Variants in KAZN observed in about 807,000 individuals in gnomAD.
KAZN encodes the protein kazrin, periplakin interacting protein, also known as kazrin.
A neutral mutation model predicts 87.4 loss-of-function variants in KAZN; 40 were observed. The ratio of observed to expected loss-of-function variants is 0.46; its 90% CI spans 0.36 to 0.60. KAZN has a LOEUF of 0.60. KAZN is among the 20% of genes least tolerant of loss of function. The probability of loss-of-function intolerance (pLI) is 0.00; values close to 1 mark genes in which losing one functional copy is unlikely to be tolerated. For missense variants in KAZN, 898 were observed against 1,073.9 expected (o/e 0.84, Z 2.29); for synonymous variants, 466 against 458.3 (o/e 1.02, Z -0.22).
intron 1 of KAZN, among the ~76,000 whole-genome samples, chr1:14,902,268 C>T (rs1656012104): frequency 1.3e-5 from 2 of 151,750 alleles, no homozygotes; most frequent in African/African-American, 4.8e-5. Flanking sequence ...CTCTGTCACC[C>T]AGGCTGGAGT....
intron 2 of KAZN, among the ~76,000 whole-genome samples, chr1:14,591,450 C>CACACACACACACACA: frequency 2.0e-5 from 3 of 148,088 alleles, no homozygotes; most frequent in African/African-American, 7.4e-5. Flanking sequence ...CACACACACA[C>CACACACACACACACA]CAAGAAAGAT....
intron 1 of KAZN, among the ~76,000 whole-genome samples, chr1:14,824,647 A>G (rs1287923939): frequency 8.5e-5 from 13 of 152,364 alleles, no homozygotes. Flanking sequence ...CATGGGCGCC[A>G]TTCCAGAAAT....
chr1:14,895,441 G>A (rs1009400188), intron 1 of KAZN, among the ~76,000 whole-genome samples: 1 of 152,124 alleles, frequency 6.6e-6, no homozygotes, highest in African/African-American at 2.4e-5. Flanking sequence ...CATTAACAGC[G>A]GCCCAATCCC....
intron 1 of KAZN, among the ~76,000 whole-genome samples, chr1:14,125,931 C>G (rs4661473): frequency 0.58 from 82,120 of 141,390 alleles, 24,603 homozygotes; most frequent in East Asian, 0.77. Flanking sequence ...CTGCAGCCTC[C>G]GTCAGTAAGG....
intron 1 of KAZN, among the ~76,000 whole-genome samples, chr1:14,657,222 T>A (rs1557868827): frequency 6.6e-6 from 1 of 152,026 alleles, no homozygotes; most frequent in Admixed American, 6.6e-5. Flanking sequence ...TAGCTGGGAT[T>A]ACAGACATGT....
At chr1:14,336,419 G>A (rs1324096462) in intron 2 of KAZN, among the ~76,000 whole-genome samples, 2 of 152,188 alleles carry the variant, frequency 1.3e-5, no homozygotes, top group Admixed American at 1.3e-4. Flanking sequence ...GAAGGATGAT[G>A]TATGAGCATC....
In KAZN at chr1:14,730,073, C is replaced by G. The variant is rs192476064; in HGVS notation, c.226+130850C>G. On this transcript the variant is annotated intron_variant, in intron 1 of 14. Transcript: ENST00000376030. ...CCTTTACAGAAAGAGTTTGCTGGTC[C>G]CTCTCATAAAGTATCCTTTTTTTTA... Among the ~76,000 whole-genome samples the G allele has an allele frequency of 4.4e-3, 663 of 152,088 alleles. 11 individuals carry two copies. Among genetic ancestry groups the G allele is most frequent in the Non-Finnish European group, 3.9e-3 (268 of 67,980 alleles).
chr1:15,011,217 T>C (rs1669542702), intron 2 of KAZN, among the ~76,000 whole-genome samples: 1 of 152,212 alleles, frequency 6.6e-6, no homozygotes, highest in South Asian at 2.1e-4. Context: ...ACCCTGCTTA[T>C]GTAGCCAGTT....
chr1:14,194,378 G>A (rs11582149), intron 2 of KAZN, among the ~76,000 whole-genome samples: 19,204 of 152,132 alleles, frequency 0.13, 1,451 homozygotes, highest in African/African-American at 0.2. Context: ...TTCTGCCTTT[G>A]GAGGGATTGT....
At chr1:15,080,939 G>A (rs1639977661) in intron 8 of KAZN, among the ~76,000 whole-genome samples, 2 of 152,244 alleles carry the variant, frequency 1.3e-5, no homozygotes, top group Admixed American at 6.5e-5. Flanking sequence ...ACGATGCACG[G>A]GACAGCCCCA....
At chr1:14,687,769 ATATCT>A (rs1178579796) in intron 1 of KAZN, among the ~76,000 whole-genome samples, 10 of 152,220 alleles carry the variant, frequency 6.6e-5, no homozygotes, top group Non-Finnish European at 1.0e-4. Flanking sequence ...ATAATGAATC[ATATCT>A]TAAGAGTTTT....
At chr1:13,908,629 G>C (rs995725876) in intron 1 of KAZN, among the ~76,000 whole-genome samples, 10 of 152,324 alleles carry the variant, frequency 6.6e-5, no homozygotes, top group Admixed American at 6.5e-4. Context: ...AGCTTTTCTT[G>C]GGAAGGCATT....
intron 2 of KAZN, among the ~76,000 whole-genome samples, chr1:15,004,236 A>G (rs1668782379): frequency 6.6e-6 from 1 of 151,690 alleles, no homozygotes; most frequent in South Asian, 2.1e-4. Context: ...AAACCATTGC[A>G]CTCCCCTGTC....
chr1:14,420,680 G>A (rs1003471986), intron 2 of KAZN, among the ~76,000 whole-genome samples: 3 of 152,204 alleles, frequency 2.0e-5, no homozygotes, highest in Non-Finnish European at 4.4e-5. Flanking sequence ...GCGAGAATTC[G>A]AGTGCAGCGC....
intron 1 of KAZN, among the ~76,000 whole-genome samples, chr1:14,838,616 CTT>C (rs1377151665): frequency 2.0e-5 from 3 of 152,090 alleles, no homozygotes; most frequent in Non-Finnish European, 4.4e-5. Flanking sequence ...CTTCCTGGTT[CTT>C]TTTGTTTGTG....
At position 14,219,767 on chromosome 1, in the gene KAZN, T is replaced by A. The variant is rs139244230; in HGVS notation, c.249+39175T>A. Among the ~76,000 whole-genome samples the A allele has an allele frequency of 5.4e-3, 817 of 152,316 alleles. 5 individuals are homozygous for A. The highest frequency in any genetic ancestry group is 8.7e-3 in the Non-Finnish European group (592 of 68,020). ...ACTTACCAGGGCAATAACATTTCAG[T>A]TGAATCTTCTAAGATGTGTAATATG... On this transcript the variant is annotated intron_variant, in intron 2 of 16. Coordinates refer to the KAZN transcript ENST00000636203.
intron 1 of KAZN, among the ~76,000 whole-genome samples, chr1:14,658,451 A>T (rs1638935782): frequency 6.6e-6 from 1 of 152,154 alleles, no homozygotes; most frequent in Non-Finnish European, 1.5e-5. Context: ...CCCTGTAGGA[A>T]GGGGCAGTTA....
chr1:14,851,064 T>C (rs960441163), intron 1 of KAZN, among the ~76,000 whole-genome samples: 4 of 152,208 alleles, frequency 2.6e-5, no homozygotes, highest in African/African-American at 9.6e-5. Flanking sequence ...GCTATGCCTT[T>C]GTCGGGTTGG....
chr1:13,969,011 C>T (rs778250057), intron 1 of KAZN, among the ~76,000 whole-genome samples: 16 of 152,118 alleles, frequency 1.1e-4, no homozygotes, highest in African/African-American at 1.4e-4. Context: ...TTTATTTGTA[C>T]CTGTATGGAT....
Sources: gnomAD v4.1 joint callset for allele counts (sites outside exome capture counted in the v4.1 genomes callset) on GRCh38, gnomAD v4.1.1 for gene constraint, MANE v1.5 for transcripts, NCBI Gene and HGNC (gene_info 2026-07-23, HGNC 2026-07-21) for gene names.